The following ATAD5 variants were observed in gnomAD, a reference collection of about 807,000 sequenced individuals.
ATAD5 encodes ATPase family AAA domain containing 5, also known as ATPase family AAA domain-containing protein 5.
ATAD5 carries 58 observed loss-of-function variants against 176.9 expected under a neutral mutation model. The ratio of observed to expected loss-of-function variants is 0.33; its 90% CI spans 0.27 to 0.41. The LOEUF is 0.41. Ranked by LOEUF, ATAD5 falls within the 10% of genes least tolerant of loss-of-function variation. The pLI is 1.00. For missense variants in ATAD5, 1,789 were observed against 2,094.1 expected (o/e 0.85, Z 2.84); for synonymous variants, 640 against 712.6 (o/e 0.90, Z 1.62).
At chr17:30,856,236 A>G (rs921624445) in intron 7 of ATAD5, among the ~76,000 whole-genome samples, 3 of 152,188 alleles carry the variant, frequency 2.0e-5, no homozygotes, top group South Asian at 4.1e-4. Context: ...AGCAATTCAT[A>G]TACATATCTA....
chr17:30,838,770 A>T (rs184554684), intron 3 of ATAD5, among the ~76,000 whole-genome samples: 19 of 152,282 alleles, frequency 1.2e-4, no homozygotes, highest in Admixed American at 2.6e-4. Context: ...TTTAATAGTA[A>T]ATTTTCCAGC....
Position 30,835,060 on chromosome 17 carries a change from C to G in ATAD5, c.979C>G (p.Gln327Glu). ...VRFKTVTVLA[Q>E]VHPIPPKKTG... is the part of the protein sequence containing the mutation. ...CTTTAAGACAGTTACTGTTCTTGCA[C>G]AGGTTCACCCTATTCCGCCCAAAAA... The change falls in exon 2 of 23, where the codon CAG becomes GAG. Residue 327 changes from glutamine (Q) to glutamate (E), a missense_variant. Transcript: ENST00000321990. The G allele has an allele frequency of 6.2e-7, 1 of 1,614,002 alleles. No homozygotes were observed. Among genetic ancestry groups the G allele is most frequent in the Non-Finnish European group, 8.5e-7 (1 of 1,180,006 alleles).
At chr17:30,841,301 C>T (rs1414648541) in intron 4 of ATAD5, among the ~76,000 whole-genome samples, 5 of 152,096 alleles carry the variant, frequency 3.3e-5, no homozygotes, top group South Asian at 2.1e-4. Flanking sequence ...TTCTTCAAAA[C>T]GACTCTTTGC....
At chr17:30,859,718 T>TGGTGTTTTCA (rs1555556118) in intron 9 of ATAD5, among the ~76,000 whole-genome samples, 42 of 143,282 alleles carry the variant, frequency 2.9e-4, no homozygotes, top group Middle Eastern at 3.6e-3. Flanking sequence ...TAGAATACAG[T>TGGTGTTTTCA]TTGTTTGTTT....
chr17:30,886,099 A>C (rs1337211013), intron 18 of ATAD5, among the ~76,000 whole-genome samples: 1 of 151,440 alleles, frequency 6.6e-6, no homozygotes, highest in Non-Finnish European at 1.5e-5. Flanking sequence ...ATATTGATGG[A>C]TTAGATTTGT....
chr17:30,864,867 C>T (rs1907877586), intron 10 of ATAD5: 1 of 150,822 alleles, frequency 6.6e-6, no homozygotes. Context: ...GTATATATGT[C>T]CTACAAATTC....
intron 8 of ATAD5, 110 bp downstream of exon 8, chr17:30,857,222 AT>A (rs995996112): frequency 0.069 from 64,029 of 930,090 alleles, no homozygotes; most frequent in South Asian, 0.093. Context: ...CTAGAGTTTA[AT>A]TTTTTTTTTT....
At chr17:30,882,590 A>G (rs550309194) in intron 18 of ATAD5, among the ~76,000 whole-genome samples, 110 of 150,252 alleles carry the variant, frequency 7.3e-4, no homozygotes, top group Non-Finnish European at 1.2e-3. Context: ...ACTCTGGAAG[A>G]AAAAGAAAAA....
At chr17:30,871,386 C>T (rs912166869) in intron 14 of ATAD5, among the ~76,000 whole-genome samples, 3 of 151,536 alleles carry the variant, frequency 2.0e-5, no homozygotes, top group East Asian at 1.9e-4. Context: ...TCGCACTTGT[C>T]GCCCAGGCTG....
intron 6 of ATAD5, among the ~76,000 whole-genome samples, chr17:30,853,439 T>A (rs1312326838): frequency 1.3e-5 from 2 of 151,932 alleles, no homozygotes; most frequent in Non-Finnish European, 2.9e-5. Context: ...ACTTTACCCA[T>A]CTTCCTCCTT....
At chr17:30,894,203 A>C in intron 21 of ATAD5, 53 bp downstream of exon 21, 1 of 1,391,736 alleles carries the variant, frequency 7.2e-7, no homozygotes, top group Non-Finnish European at 9.6e-7. Context: ...CGTAAAGGGG[A>C]AATCAATAGA....
chr17:30,846,384 A>G (rs955288537), intron 6 of ATAD5, among the ~76,000 whole-genome samples: 1 of 150,910 alleles, frequency 6.6e-6, no homozygotes, highest in Non-Finnish European at 1.5e-5. Context: ...CATTTTAAGT[A>G]AAGAGTTTGA....
At chr17:30,884,424 C>CTTTTTTTTTTTTTTTTTTTTTTTTTTTTT (rs61664127) in intron 18 of ATAD5, among the ~76,000 whole-genome samples, 1 of 80,982 alleles carries the variant, frequency 1.2e-5, no homozygotes, top group African/African-American at 6.1e-5. Context: ...CTTTTCTTTT[C>CTTTTTTTTTTTTTTTTTTTTTTTTTTTTT]TTTTTTTTTT....
At position 30,869,493 on chromosome 17, in the gene ATAD5, T is replaced by C. The variant is rs1386152889; in HGVS notation, c.3457-3T>C. On this transcript the variant is annotated splice_polypyrimidine_tract_variant and splice_region_variant and intron_variant, in intron 13 of 22. Transcript: ENST00000321990. ...TTCGTTTTTTCTTATATTCTTCTTT[T>C]AGATATTTGAAGTGAATGCCTCTTC... is the stretch of plus-strand genomic sequence containing the variant. 1.9e-6 allele frequency: 3 copies of C among 1,611,404 alleles called. No individual in the cohort carries two copies. The highest frequency in any genetic ancestry group is 8.5e-7 in the Non-Finnish European group (1 of 1,179,518).
chr17:30,860,361 T>G (rs1364893021), intron 9 of ATAD5, 72 bp from the exon 10 acceptor site: 2 of 1,492,658 alleles, frequency 1.3e-6, no homozygotes, highest in African/African-American at 2.9e-5. Context: ...TATTGGATAC[T>G]TGGAAGTGAT....
chr17:30,887,041 T>C (rs1909361537), intron 18 of ATAD5, 151 bp from the exon 19 acceptor site: 1 of 574,450 alleles, frequency 1.7e-6, no homozygotes, highest in African/African-American at 2.0e-5. Flanking sequence ...TATTCCCTTA[T>C]ATTTTTAAAG....
At chr17:30,855,620 T>G (rs954952353) in intron 7 of ATAD5, among the ~76,000 whole-genome samples, 4 of 152,130 alleles carry the variant, frequency 2.6e-5, no homozygotes, top group Admixed American at 2.6e-4. Flanking sequence ...GAGAAGAGCT[T>G]GAGCCCAGGA....
chr17:30,868,740 C>T (rs562258108), intron 12 of ATAD5, among the ~76,000 whole-genome samples: 2 of 151,016 alleles, frequency 1.3e-5, no homozygotes, highest in African/African-American at 4.8e-5. Context: ...CTCCTGACCT[C>T]GTGATCCACC....
At chr17:30,862,902 T>C (rs1321810150) in intron 10 of ATAD5, 1 of 152,006 alleles carries the variant, frequency 6.6e-6, no homozygotes, top group Admixed American at 6.6e-5. Context: ...GAAAATTCCA[T>C]ACCTGGGGCC....
Sources: gnomAD v4.1 joint callset for allele counts (sites outside exome capture counted in the v4.1 genomes callset) on GRCh38, gnomAD v4.1.1 for gene constraint, MANE v1.5 for transcripts, NCBI Gene and HGNC (gene_info 2026-07-23, HGNC 2026-07-21) for gene names.